TMPRSS12: variants seen among roughly 807,000 people sequenced by gnomAD.
TMPRSS12 encodes the protein transmembrane protease serine 12.
In TMPRSS12, 25 loss-of-function variants were observed where a neutral mutation model predicts 26.0. That is an observed-to-expected ratio of 0.96 (90% CI 0.70 to 1.34). The LOEUF (loss-of-function observed/expected upper bound fraction) is 1.34. TMPRSS12 is among the 40% of genes most tolerant of loss of function. TMPRSS12 has a pLI of 0.00. For synonymous variants in TMPRSS12, 150 were observed against 161.7 expected, an observed-to-expected ratio of 0.93 and a Z score of 0.55; for missense variants, 441 against 440.1, an observed-to-expected ratio of 1.00 and a Z score of -0.02.
intron 2 of TMPRSS12, among the ~76,000 whole-genome samples, chr12:50,854,677 G>C (rs1937859458): frequency 6.6e-6 from 1 of 152,138 alleles, no homozygotes; most frequent in African/African-American, 2.4e-5. Flanking sequence ...TGAAGTCTAA[G>C]CTGACAGTCA....
intron 3 of TMPRSS12, among the ~76,000 whole-genome samples, chr12:50,877,437 TG>T (rs1435496919): frequency 6.6e-6 from 1 of 152,160 alleles, no homozygotes; most frequent in East Asian, 1.9e-4. Flanking sequence ...TATTCACAGA[TG>T]ACATGATTAT....
chr12:50,857,815 GT>G (rs1937894885), intron 2 of TMPRSS12, among the ~76,000 whole-genome samples: 1 of 64,770 alleles, frequency 1.5e-5, no homozygotes, highest in Non-Finnish European at 3.5e-5. Context: ...TGTCGTTGTT[GT>G]CGTTGTTGTT....
At position 50,872,369 on chromosome 12, in the gene TMPRSS12, C is replaced by T. The variant is rs797004999; in HGVS notation, c.653-12877C>T. Reference sequence around the variant, plus strand: ...TCTACTAAAAATACAAAAAATTAGCCGGGCGCGGTGGCGGGCGCCTGTAGT... The same window carrying T: ...TCTACTAAAAATACAAAAAATTAGCTGGGCGCGGTGGCGGGCGCCTGTAGT... On this transcript the variant is annotated intron_variant, in intron 3 of 4. Transcript: ENST00000398458. Among the ~76,000 whole-genome samples the T allele has an allele frequency of 1.8e-3, 263 of 149,418 alleles. 6 individuals are homozygous for T. Among genetic ancestry groups the T allele is most frequent in the African/African-American group, 6.0e-3 (246 of 40,678 alleles).
chr12:50,860,551 G>T, intron 3 of TMPRSS12, among the ~76,000 whole-genome samples: 1 of 152,162 alleles, frequency 6.6e-6, no homozygotes, highest in East Asian at 1.9e-4. Context: ...CAATAGCTGG[G>T]ACTACAGGCA....
At chr12:50,883,558 C>T (rs1278634074) in intron 3 of TMPRSS12, among the ~76,000 whole-genome samples, 1 of 152,076 alleles carries the variant, frequency 6.6e-6, no homozygotes, top group African/African-American at 2.4e-5. Context: ...GTGGTACACA[C>T]CTGTAATCCC....
At chr12:50,883,450 G>A (rs939926037) in intron 3 of TMPRSS12, among the ~76,000 whole-genome samples, 6 of 152,210 alleles carry the variant, frequency 3.9e-5, no homozygotes, top group Non-Finnish European at 7.3e-5. Flanking sequence ...CACTTTGAGA[G>A]GCCAAGGCAG....
intron 2 of TMPRSS12, among the ~76,000 whole-genome samples, chr12:50,855,832 A>G (rs1169981697): frequency 6.6e-6 from 1 of 152,222 alleles, no homozygotes; most frequent in African/African-American, 2.4e-5. Context: ...TGGACTGGAT[A>G]AAGAAAATGT....
At chr12:50,869,902 G>C (rs1369132155) in intron 3 of TMPRSS12, among the ~76,000 whole-genome samples, 1 of 152,214 alleles carries the variant, frequency 6.6e-6, no homozygotes, top group African/African-American at 2.4e-5. Context: ...GGCCAACTTG[G>C]TGAAACCCTG....
intron 3 of TMPRSS12, among the ~76,000 whole-genome samples, chr12:50,881,961 CAAAAAAAAAAAAAAAAAAAAAAAAAAA>C (rs1157663355): frequency 1.0e-4 from 6 of 60,192 alleles, no homozygotes; most frequent in South Asian, 1.3e-3. Flanking sequence ...GAGACCACTT[CAAAAAAAAAAAAAAAAAAAAAAAAAAA>C]AAAAAAAAAA....
In TMPRSS12 at chr12:50,876,575, C is replaced by A. The variant is rs950722104; in HGVS notation, c.653-8671C>A. 3.9e-5 allele frequency among the ~76,000 whole-genome samples: 6 copies of A among 152,068 alleles called. No homozygotes were observed. The East Asian group carries it at 9.6e-4, about 24-fold the overall frequency. On this transcript the variant is annotated intron_variant, in intron 3 of 4. Transcript: ENST00000398458. ...ATCCCAGCACTGTGGGAGGCTGAGG[C>A]GGGCAGATCATGAGGTCAGGAGATC...
At chr12:50,853,955 C>A (rs1227355749) in intron 2 of TMPRSS12, among the ~76,000 whole-genome samples, 2 of 152,010 alleles carry the variant, frequency 1.3e-5, no homozygotes, top group Non-Finnish European at 2.9e-5. Flanking sequence ...GAATTAGGGA[C>A]TCCTCCCTAA....
At chr12:50,863,825 G>C (rs922216969) in intron 3 of TMPRSS12, among the ~76,000 whole-genome samples, 1 of 151,420 alleles carries the variant, frequency 6.6e-6, no homozygotes, top group East Asian at 2.0e-4. Flanking sequence ...TTTTGTGGTG[G>C]TTTCATGAAT....
At chr12:50,851,385 A>G (rs1390568920) in intron 2 of TMPRSS12, among the ~76,000 whole-genome samples, 1 of 152,224 alleles carries the variant, frequency 6.6e-6, no homozygotes, top group East Asian at 1.9e-4. Context: ...TAGAGTTAAA[A>G]AAAGAACTCA....
chr12:50,844,281 G>A lies in TMPRSS12; in HGVS notation c.383+244G>A, dbSNP rs1021962004. Among the ~76,000 whole-genome samples the A allele has an allele frequency of 6.6e-5, 10 of 151,896 alleles. No individual in the cohort carries two copies. The East Asian group carries it at 1.5e-3, about 23-fold the overall frequency. ...TACATAGGTATACATGTCCATGGTG[G>A]TTTGCTGCACCCATCAACCCATCAT... On this transcript the variant is annotated intron_variant, in intron 2 of 4. Transcript: ENST00000398458.
chr12:50,857,446 C>T (rs959988172), intron 2 of TMPRSS12, among the ~76,000 whole-genome samples: 8 of 151,862 alleles, frequency 5.3e-5, no homozygotes, highest in Admixed American at 1.3e-4. Context: ...TCCTCTAACT[C>T]GTCTGCACTG....
At chr12:50,851,928 A>G (rs2139721468) in intron 2 of TMPRSS12, among the ~76,000 whole-genome samples, 1 of 152,350 alleles carries the variant, frequency 6.6e-6, no homozygotes, top group Non-Finnish European at 1.5e-5. Context: ...TCCAACCAAG[A>G]ATTTCATATC....
intron 3 of TMPRSS12, among the ~76,000 whole-genome samples, chr12:50,860,084 C>T (rs1937920586): frequency 6.6e-6 from 1 of 152,134 alleles, no homozygotes; most frequent in South Asian, 2.1e-4. Flanking sequence ...GATACTTGAA[C>T]GTTAAGATAG....
intron 3 of TMPRSS12, among the ~76,000 whole-genome samples, chr12:50,883,669 C>A (rs1938196676): frequency 6.6e-6 from 1 of 152,096 alleles, no homozygotes; most frequent in Non-Finnish European, 1.5e-5. Flanking sequence ...CAGCAAGATT[C>A]TGTCTCAAAA....
intron 3 of TMPRSS12, among the ~76,000 whole-genome samples, chr12:50,863,882 A>G (rs184459388): frequency 3.9e-5 from 6 of 152,302 alleles, no homozygotes; most frequent in Non-Finnish European, 7.3e-5. Flanking sequence ...TTGATACTGT[A>G]TTTCAGTGAC....
Sources: gnomAD v4.1 joint callset for allele counts (sites outside exome capture counted in the v4.1 genomes callset) on GRCh38, gnomAD v4.1.1 for gene constraint, MANE v1.5 for transcripts, NCBI Gene and HGNC (gene_info 2026-07-23, HGNC 2026-07-21) for gene names.